The following SCOC variants were observed in gnomAD, a reference collection of about 807,000 sequenced individuals.
The protein encoded by SCOC is short coiled-coil protein, also known as short coiled coil protein.
Under a neutral mutation model 9.9 loss-of-function variants are expected in SCOC, and 7 were observed. That is an observed-to-expected ratio of 0.71 (90% confidence interval 0.40 to 1.33). The LOEUF is 1.33. SCOC is among the 40% of genes most tolerant of loss of function. The pLI is 0.01. For missense variants in SCOC, 66 were observed against 89.7 expected (o/e 0.74, Z 1.07); for synonymous variants, 19 against 28.2 (o/e 0.67, Z 1.03).
rs537108146 is a variant in SCOC, at chr4:140,347,043, C to A, written c.70+3335C>A. ...TCAATTGTAGAACAGATAATGAGGG[C>A]GGCAGTTTGAGAAGGCTGGAGAAGT... On this transcript the variant is annotated intron_variant, in intron 2 of 4. Transcript: ENST00000338517. Among the ~76,000 whole-genome samples the A allele has an allele frequency of 3.9e-5, 6 of 152,206 alleles. No individual in the cohort carries two copies. The East Asian group carries it at 1.2e-3, about 29-fold the overall frequency.
chr4:140,298,856 C>T (rs1468932577), intron 1 of SCOC, among the ~76,000 whole-genome samples: 1 of 152,170 alleles, frequency 6.6e-6, no homozygotes, highest in Non-Finnish European at 1.5e-5. Context: ...TACTCTGTCA[C>T]CCAGGCTGGA....
chr4:140,323,051 T>A (rs1732546235), intron 1 of SCOC, among the ~76,000 whole-genome samples: 1 of 152,086 alleles, frequency 6.6e-6, no homozygotes, highest in South Asian at 2.1e-4. Context: ...AACCAAAAGC[T>A]GATTGATATA....
At chr4:140,380,056 G>A (rs1343330078) in intron 3 of SCOC, among the ~76,000 whole-genome samples, 2 of 152,100 alleles carry the variant, frequency 1.3e-5, no homozygotes. Context: ...CATCTTTTGA[G>A]TTTTAATGAA....
intron 2 of SCOC, among the ~76,000 whole-genome samples, chr4:140,349,760 C>G (rs1416411435): frequency 6.6e-6 from 1 of 152,228 alleles, no homozygotes; most frequent in African/African-American, 2.4e-5. Context: ...CACCACCTCC[C>G]TCACCAGGTC....
chr4:140,286,892 G>C (rs1020608654), intron 1 of SCOC, among the ~76,000 whole-genome samples: 1 of 152,126 alleles, frequency 6.6e-6, no homozygotes, highest in African/African-American at 2.4e-5. Flanking sequence ...AGAAAGAAGA[G>C]ATACTAGCTG....
chr4:140,295,522 T>C lies in SCOC; in HGVS notation c.-19+38112T>C, dbSNP rs939458453. ...GAATAAATCCAGGCAGGATAGCTCCTGGGGGCAAGGGCTGAAAGACAGAAA... is the reference window on the plus strand; with the variant it reads ...GAATAAATCCAGGCAGGATAGCTCCCGGGGGCAAGGGCTGAAAGACAGAAA... On this transcript the variant is annotated intron_variant, in intron 1 of 4. Coordinates refer to the SCOC transcript ENST00000394205. 1.2e-4 allele frequency among the ~76,000 whole-genome samples: 18 copies of C among 152,100 alleles called. 1 individual carries two copies. Among genetic ancestry groups the C allele is most frequent in the Admixed American group, 1.2e-3 (18 of 15,274 alleles).
At chr4:140,318,193 C>T (rs1209538049) in intron 1 of SCOC, among the ~76,000 whole-genome samples, 1 of 145,174 alleles carries the variant, frequency 6.9e-6, no homozygotes, top group South Asian at 2.3e-4. Flanking sequence ...TCCAAAACAC[C>T]AAAAGCAATG....
chr4:140,362,301 T>TCTTCTTCTCTTCTTCTCTTCTTC, intron 2 of SCOC, among the ~76,000 whole-genome samples: 1 of 29,410 alleles, frequency 3.4e-5, no homozygotes, highest in Non-Finnish European at 7.4e-5. Flanking sequence ...TTCTTCTTCT[T>TCTTCTTCTCTTCTTCTCTTCTTC]TTTTTTTTTT....
At chr4:140,271,784 A>G (rs915989181) in intron 1 of SCOC, among the ~76,000 whole-genome samples, 2 of 152,174 alleles carry the variant, frequency 1.3e-5, no homozygotes, top group Non-Finnish European at 2.9e-5. Flanking sequence ...GCTAGGTGAT[A>G]GGGAGTTATA....
chr4:140,260,037 C>T (rs1730596926), intron 1 of SCOC, among the ~76,000 whole-genome samples: 1 of 152,180 alleles, frequency 6.6e-6, no homozygotes, highest in African/African-American at 2.4e-5. Context: ...GATCACTCTC[C>T]ACAGAATACC....
intron 1 of SCOC, among the ~76,000 whole-genome samples, chr4:140,300,635 G>A (rs1166853113): frequency 1.3e-5 from 2 of 152,210 alleles, no homozygotes; most frequent in Admixed American, 1.3e-4. Context: ...CTGTGCCAGG[G>A]AAGTGTTTTG....
At chr4:140,375,629 T>G (rs1326133674) in intron 1 of SCOC, among the ~76,000 whole-genome samples, 1 of 152,212 alleles carries the variant, frequency 6.6e-6, no homozygotes, top group Non-Finnish European at 1.5e-5. Flanking sequence ...CAGGTGTGTG[T>G]GCATGGCAAA....
chr4:140,329,555 C>G (rs116330143), intron 1 of SCOC, among the ~76,000 whole-genome samples: 1,893 of 152,136 alleles, frequency 0.012, 34 homozygotes, highest in African/African-American at 0.044. Context: ...ATACATCTGA[C>G]AAAGGACTAA....
chr4:140,362,140 G>A (rs1727504333), intron 2 of SCOC, among the ~76,000 whole-genome samples: 1 of 105,808 alleles, frequency 9.5e-6, no homozygotes, highest in Non-Finnish European at 2.1e-5. Flanking sequence ...GAAAGAGAGA[G>A]CCTGGCCATA....
At chr4:140,368,566 A>G (rs1727901577) in intron 2 of SCOC, among the ~76,000 whole-genome samples, 1 of 152,224 alleles carries the variant, frequency 6.6e-6, no homozygotes, top group African/African-American at 2.4e-5. Context: ...GGTTAAGGAC[A>G]TACCTGGAAG....
chr4:140,371,562 G>A (rs1420723392), upstream of SCOC, among the ~76,000 whole-genome samples: 2 of 152,278 alleles, frequency 1.3e-5, no homozygotes, highest in African/African-American at 2.4e-5. Flanking sequence ...ACTCCCAACA[G>A]TAATGAATAA....
intron 2 of SCOC, among the ~76,000 whole-genome samples, chr4:140,354,540 A>AT (rs1250843590): frequency 4.0e-5 from 3 of 75,782 alleles, no homozygotes; most frequent in Admixed American, 1.4e-4. Context: ...TTTGCAGGAT[A>AT]TTTTTTACCA....
At chr4:140,365,950 T>C (rs926103542) in intron 2 of SCOC, among the ~76,000 whole-genome samples, 1 of 152,210 alleles carries the variant, frequency 6.6e-6, no homozygotes, top group African/African-American at 2.4e-5. Context: ...CACAGGGTAT[T>C]GGCACCTCCT....
At chr4:140,342,238 C>G (rs1269332821), upstream of SCOC, among the ~76,000 whole-genome samples, 2 of 152,148 alleles carry the variant, frequency 1.3e-5, no homozygotes, top group East Asian at 3.9e-4. Context: ...TGAGAAAGCA[C>G]TCACTACCTG....
Sources: gnomAD v4.1 joint callset for allele counts (sites outside exome capture counted in the v4.1 genomes callset) on GRCh38, gnomAD v4.1.1 for gene constraint, MANE v1.5 for transcripts, NCBI Gene and HGNC (gene_info 2026-07-23, HGNC 2026-07-21) for gene names.